The following COG5 variants were observed in gnomAD, a reference collection of about 807,000 sequenced individuals.
COG5 encodes conserved oligomeric Golgi complex subunit 5.
In COG5, 86 loss-of-function variants were observed where a neutral mutation model predicts 110.4. That is an observed-to-expected ratio of 0.78 (90% confidence interval 0.65 to 0.93). The LOEUF (loss-of-function observed/expected upper bound fraction) is 0.93, where lower values mean the gene tolerates loss of function less well. Among genes scored for constraint, COG5 ranks in the 40% least tolerant of loss-of-function variants. The probability of loss-of-function intolerance (pLI) is 0.00; values close to 1 mark genes in which losing one functional copy is unlikely to be tolerated. For synonymous variants in COG5, 360 were observed against 334.6 expected, an observed-to-expected ratio of 1.08 and a Z score of -0.83; for missense variants, 1,077 against 987.0, an observed-to-expected ratio of 1.09 and a Z score of -1.22.
chr7:107,535,805 T>A (rs1469481626), intron 5 of COG5, among the ~76,000 whole-genome samples: 1 of 152,198 alleles, frequency 6.6e-6, no homozygotes, highest in Non-Finnish European at 1.5e-5. Flanking sequence ...CCCTAACTCA[T>A]TTTATGAGGT....
intron 14 of COG5, among the ~76,000 whole-genome samples, chr7:107,266,522 T>C (rs1000112112): frequency 3.3e-5 from 5 of 152,220 alleles, no homozygotes; most frequent in African/African-American, 1.2e-4. Context: ...TAAACAAACT[T>C]AGATTACTAC....
intron 8 of COG5, among the ~76,000 whole-genome samples, chr7:107,365,996 A>C (rs140094741): frequency 1.5e-3 from 234 of 152,228 alleles, no homozygotes; most frequent in African/African-American, 5.4e-3. Context: ...ACAAAGCAAC[A>C]ATAGACTTAA....
At chr7:107,313,906 T>C (rs1405679514) in intron 11 of COG5, among the ~76,000 whole-genome samples, 1 of 152,190 alleles carries the variant, frequency 6.6e-6, no homozygotes, top group African/African-American at 2.4e-5. Context: ...ATTCTGCCTA[T>C]CAATTTTCCA....
intron 6 of COG5, among the ~76,000 whole-genome samples, chr7:107,454,133 GAAA>G (rs1390446722): frequency 6.6e-6 from 1 of 151,458 alleles, no homozygotes; most frequent in Non-Finnish European, 1.5e-5. Context: ...GTATATAATT[GAAA>G]AATAATAAAA....
chr7:107,346,411 G>C (rs1811602281), intron 10 of COG5, among the ~76,000 whole-genome samples: 1 of 145,442 alleles, frequency 6.9e-6, no homozygotes, highest in Non-Finnish European at 1.5e-5. Context: ...GGAAGGCAAG[G>C]ATAGGTCACT....
intron 10 of COG5, among the ~76,000 whole-genome samples, chr7:107,353,729 A>G (rs1453679799): frequency 6.6e-6 from 1 of 152,198 alleles, no homozygotes; most frequent in African/African-American, 2.4e-5. Flanking sequence ...TACACCAGAT[A>G]TAATTGGTCA....
chr7:107,384,396 C>T (rs1490299482), intron 7 of COG5, among the ~76,000 whole-genome samples: 2 of 152,158 alleles, frequency 1.3e-5, no homozygotes, highest in Admixed American at 1.3e-4. Flanking sequence ...TCGGGAAGTT[C>T]ACCGCCTTTG....
intron 6 of COG5, among the ~76,000 whole-genome samples, chr7:107,439,100 G>T (rs116412756): frequency 0.018 from 2,709 of 151,966 alleles, 73 homozygotes; most frequent in African/African-American, 0.061. Context: ...CCAATCCCAC[G>T]ATCATTACCG....
At chr7:107,412,675 G>T in intron 6 of COG5, 43 bp from the exon 7 acceptor site, 11 of 1,108,956 alleles carry the variant, frequency 9.9e-6, no homozygotes, top group East Asian at 2.7e-5. Context: ...TTTCAATACT[G>T]AATAAATATC....
chr7:107,356,966 G>C (rs1395543546), intron 10 of COG5, among the ~76,000 whole-genome samples: 2 of 152,076 alleles, frequency 1.3e-5, no homozygotes, highest in African/African-American at 4.8e-5. Context: ...GTTAGAAAAA[G>C]AGATTTTGGT....
intron 2 of COG5, among the ~76,000 whole-genome samples, chr7:107,557,496 TAAC>T (rs1015304306): frequency 1.3e-5 from 2 of 152,232 alleles, no homozygotes; most frequent in African/African-American, 4.8e-5. Flanking sequence ...TAAAGTCAGT[TAAC>T]AACAGCATAG....
At chr7:107,475,209 A>G (rs746392823) in intron 6 of COG5, 2 of 1,612,098 alleles carry the variant, frequency 1.2e-6, no homozygotes, top group South Asian at 2.2e-5. Flanking sequence ...GTAAAATGAA[A>G]AAGCGAGTTG....
chr7:107,214,237 G>A (rs1799363587), intron 19 of COG5, among the ~76,000 whole-genome samples: 1 of 152,080 alleles, frequency 6.6e-6, no homozygotes, highest in South Asian at 2.1e-4. Context: ...CAAAAAAATT[G>A]AGAGCAGCAA....
intron 19 of COG5, among the ~76,000 whole-genome samples, chr7:107,229,950 A>AAGCG (rs1325224242): frequency 6.7e-6 from 1 of 148,208 alleles, no homozygotes; most frequent in African/African-American, 2.5e-5. Flanking sequence ...TCCCTGGTTC[A>AAGCG]AGCGATTCTC....
chr7:107,357,747 T>C (rs1243538520), intron 10 of COG5, among the ~76,000 whole-genome samples: 1 of 152,168 alleles, frequency 6.6e-6, no homozygotes, highest in Non-Finnish European at 1.5e-5. Flanking sequence ...TAACTGACTA[T>C]AACCTTGAAC....
intron 6 of COG5, among the ~76,000 whole-genome samples, chr7:107,439,581 G>A (rs1794583812): frequency 6.6e-6 from 1 of 151,448 alleles, no homozygotes; most frequent in South Asian, 2.1e-4. Context: ...CCATAAATTT[G>A]GCTAAATTTT....
chr7:107,436,371 A>T (rs1052592340), intron 6 of COG5, among the ~76,000 whole-genome samples: 2 of 152,188 alleles, frequency 1.3e-5, no homozygotes, highest in Non-Finnish European at 2.9e-5. Flanking sequence ...CAAATATATA[A>T]TCCCTCTGAT....
At chr7:107,249,184 C>A (rs1223460661) in intron 16 of COG5, among the ~76,000 whole-genome samples, 2 of 152,128 alleles carry the variant, frequency 1.3e-5, no homozygotes, top group African/African-American at 4.8e-5. Context: ...GAGAGTTCTA[C>A]AGCAGTGATT....
chr7:107,463,775 C>T (rs569888365), intron 6 of COG5, among the ~76,000 whole-genome samples: 1 of 152,256 alleles, frequency 6.6e-6, no homozygotes, highest in African/African-American at 2.4e-5. Flanking sequence ...AAAATCTATT[C>T]TGCAGAGGAC....
Sources: allele counts gnomAD v4.1 joint callset (sites outside exome capture counted in the v4.1 genomes callset), GRCh38; gene constraint gnomAD v4.1.1; transcripts MANE v1.5; gene names NCBI Gene and HGNC (gene_info 2026-07-23, HGNC 2026-07-21).